The following SDK1 variants were observed in gnomAD, a reference collection of about 807,000 sequenced individuals.
SDK1 encodes protein sidekick-1.
Under a neutral mutation model 245.5 loss-of-function variants are expected in SDK1, and 157 were observed. That is an observed-to-expected ratio of 0.64 (90% CI 0.56 to 0.73). The LOEUF (loss-of-function observed/expected upper bound fraction) is 0.73, where lower values mean the gene tolerates loss of function less well. SDK1 is among the 30% of genes least tolerant of loss of function. The probability of loss-of-function intolerance (pLI) is 0.00; values close to 1 mark genes in which losing one functional copy is unlikely to be tolerated. For missense variants in SDK1, 3,583 were observed against 3,002.3 expected (o/e 1.19, Z -4.52); for synonymous variants, 1,647 against 1,278.5 (o/e 1.29, Z -6.15).
chr7:3,354,596 TC>T (rs1196862650), intron 1 of SDK1, among the ~76,000 whole-genome samples: 3 of 152,202 alleles, frequency 2.0e-5, no homozygotes, highest in Non-Finnish European at 4.4e-5. Flanking sequence ...TCAAATGTAA[TC>T]AGTCTACATT....
chr7:3,452,576 T>C (rs2178630), intron 1 of SDK1, among the ~76,000 whole-genome samples: 87,198 of 152,080 alleles, frequency 0.57, 25,137 homozygotes, highest in African/African-American at 0.64. Flanking sequence ...TAATTTTGTG[T>C]ACACTTTCAT....
chr7:4,207,538 GT>G (rs780250077), intron 36 of SDK1, among the ~76,000 whole-genome samples: 14 of 152,176 alleles, frequency 9.2e-5, no homozygotes, highest in Non-Finnish European at 4.4e-5. Context: ...CCTGCCTGTT[GT>G]TTTTGATTGC....
At chr7:3,989,293 C>CCCCTTGTACTA (rs1784112745) in intron 14 of SDK1, among the ~76,000 whole-genome samples, 1 of 152,190 alleles carries the variant, frequency 6.6e-6, no homozygotes, top group Admixed American at 6.5e-5. Context: ...CAGGAAAACT[C>CCCCTTGTACTA]CCCTTGTACT....
chr7:3,425,217 G>C lies in SDK1; in HGVS notation c.298+123333G>C, dbSNP rs530818377. 3.3e-5 allele frequency among the ~76,000 whole-genome samples: 5 copies of C among 151,758 alleles called. No homozygotes were observed. The South Asian group carries it at 1.0e-3, about 32-fold the overall frequency. The stretch of plus-strand genomic sequence containing the variant: ...ATAAGCTGCTGTTGAAGTGAAGTGA[G>C]CTCAGGGAGACAGGCCTGTTGTTAT... On this transcript the variant is annotated intron_variant, in intron 1 of 44. Transcript: ENST00000404826.
In SDK1 at chr7:4,162,321, C is replaced by A. The variant is rs544783756; in HGVS notation, c.4800+465C>A. Among the ~76,000 whole-genome samples, 142 of 151,748 alleles carry A rather than the reference C, an allele frequency of 9.4e-4. 1 individual carries two copies. Among genetic ancestry groups the A allele is most frequent in the African/African-American group, 3.3e-3 (138 of 41,364 alleles). On this transcript the variant is annotated intron_variant, in intron 32 of 44. Coordinates refer to ENST00000404826, the MANE Select transcript of SDK1 (RefSeq NM_152744.4). ...ATATCTACCGGATTGTACATATTTT[C>A]CCAAAGTCTGGGGGTGGGTGGTGGT...
At chr7:4,187,536 G>C (rs1782964861) in intron 35 of SDK1, among the ~76,000 whole-genome samples, 2 of 152,188 alleles carry the variant, frequency 1.3e-5, no homozygotes, top group African/African-American at 4.8e-5. Flanking sequence ...TAGTTTATTA[G>C]GCAAGAAGGT....
chr7:4,053,071 AGTGAGACTCT>A (rs1331010835), intron 19 of SDK1, among the ~76,000 whole-genome samples: 2 of 142,924 alleles, frequency 1.4e-5, no homozygotes, highest in African/African-American at 5.4e-5. Flanking sequence ...TGGGTGACAT[AGTGAGACTCT>A]GTCTCAAAAA....
At chr7:4,250,282 ACTT>A (rs1167269205) in intron 44 of SDK1, among the ~76,000 whole-genome samples, 2 of 151,960 alleles carry the variant, frequency 1.3e-5, no homozygotes, top group Non-Finnish European at 2.9e-5. Flanking sequence ...TGACTTCAGA[ACTT>A]CTCCCTTTAT....
intron 1 of SDK1, among the ~76,000 whole-genome samples, chr7:3,435,399 C>G (rs910853901): frequency 7.4e-6 from 1 of 134,480 alleles, no homozygotes; most frequent in Admixed American, 8.5e-5. Context: ...GACTTGATCT[C>G]AGCTCACTGC....
At chr7:3,367,918 A>G (rs1021433141) in intron 1 of SDK1, among the ~76,000 whole-genome samples, 1 of 152,268 alleles carries the variant, frequency 6.6e-6, no homozygotes, top group Admixed American at 6.5e-5. Context: ...AGAATAAACC[A>G]GAACATTCTT....
chr7:3,641,846 A>G (rs1782659693), intron 3 of SDK1, 112 bp from the exon 4 acceptor site: 1 of 848,112 alleles, frequency 1.2e-6, no homozygotes, highest in African/African-American at 1.7e-5. Flanking sequence ...CCTGGTGTGA[A>G]ATGTGGCAGC....
intron 38 of SDK1, among the ~76,000 whole-genome samples, chr7:4,218,591 T>C (rs1784967716): frequency 1.3e-5 from 2 of 152,204 alleles, no homozygotes; most frequent in Admixed American, 1.3e-4. Flanking sequence ...TTTGTTCTGT[T>C]CTGAAGTGGA....
intron 1 of SDK1, among the ~76,000 whole-genome samples, chr7:3,541,582 C>T (rs1779053926): frequency 6.6e-6 from 1 of 152,176 alleles, no homozygotes; most frequent in African/African-American, 2.4e-5. Flanking sequence ...ACCCATGAAA[C>T]TTTATATATA....
intron 1 of SDK1, among the ~76,000 whole-genome samples, chr7:3,479,152 C>T (rs1243530401): frequency 1.3e-5 from 2 of 152,046 alleles, no homozygotes; most frequent in Non-Finnish European, 2.9e-5. Context: ...GGTGTGGCAG[C>T]TCACACCTGT....
chr7:4,039,041 A>T (rs2128161344), intron 17 of SDK1, among the ~76,000 whole-genome samples: 1 of 152,228 alleles, frequency 6.6e-6, no homozygotes, highest in East Asian at 1.9e-4. Context: ...CTTTAATTAA[A>T]AAACGTAAGG....
At chr7:3,984,916 C>G (rs1392446287) in intron 13 of SDK1, among the ~76,000 whole-genome samples, 1 of 152,330 alleles carries the variant, frequency 6.6e-6, no homozygotes, top group African/African-American at 2.4e-5. Flanking sequence ...TTTCCCTCAA[C>G]CCTGTCTGGC....
intron 2 of SDK1, among the ~76,000 whole-genome samples, chr7:3,636,360 C>G (rs1472321411): frequency 2.0e-5 from 3 of 152,176 alleles, no homozygotes; most frequent in Non-Finnish European, 4.4e-5. Context: ...TTGGATTCCT[C>G]CCCGCTTCCC....
chr7:3,481,921 A>T (rs565825268), intron 1 of SDK1, among the ~76,000 whole-genome samples: 2 of 152,374 alleles, frequency 1.3e-5, no homozygotes, highest in Admixed American at 6.5e-5. Context: ...AGGAATGCTT[A>T]ATCAAATCAG....
At chr7:3,553,008 A>G (rs1181344316) in intron 1 of SDK1, among the ~76,000 whole-genome samples, 1 of 152,220 alleles carries the variant, frequency 6.6e-6, no homozygotes, top group Non-Finnish European at 1.5e-5. Context: ...TATTAGTTGA[A>G]GAACATTTGG....
Sources: gnomAD v4.1 joint callset for allele counts (sites outside exome capture counted in the v4.1 genomes callset) on GRCh38, gnomAD v4.1.1 for gene constraint, MANE v1.5 for transcripts, NCBI Gene and HGNC (gene_info 2026-07-23, HGNC 2026-07-21) for gene names.